Variants in ELL observed in about 807,000 individuals in gnomAD.
ELL encodes the protein RNA polymerase II elongation factor ELL.
A neutral mutation model predicts 64.0 loss-of-function variants in ELL; 18 were observed. The ratio of observed to expected loss-of-function variants is 0.28; its 90% CI spans 0.19 to 0.42. The LOEUF is 0.42. Ranked by LOEUF, ELL falls within the 10% of genes least tolerant of loss-of-function variation. The pLI, the probability that ELL is intolerant of heterozygous loss-of-function variation, is 1.00. For missense variants in ELL, 797 were observed against 870.4 expected, an observed-to-expected ratio of 0.92 and a Z score of 1.06; for synonymous variants, 399 against 376.2, an observed-to-expected ratio of 1.06 and a Z score of -0.70.
At position 18,450,971 on chromosome 19, in the gene ELL, C is replaced by T. The variant is rs1273637163; in HGVS notation, c.971G>A (p.Arg324Gln). The change falls in exon 8 of 12, where the codon CGG becomes CAG. Residue 324 changes from arginine to glutamine, a missense_variant. By Grantham distance (43) the Arg-to-Gln change is conservative. Coordinates refer to ENST00000262809, the MANE Select transcript of ELL (RefSeq NM_006532.4). The part of the protein sequence containing the change: ...RGRSASPPQK[R>Q]LQPPDFIDPL... ...GTCGATGAAATCAGGAGGCTGCAGC[C>T]GCTTCTGGAGAGGAGCAGAGATCAT... The T allele has an allele frequency of 2.6e-6, 4 of 1,522,040 alleles. No homozygotes were observed. The highest frequency in any genetic ancestry group is 2.3e-5 in the East Asian group (1 of 43,930). The allele number at this position is 1,522,040 out of a possible 1,614,324, so 94.3% of individuals were successfully genotyped here.
intron 2 of ELL, among the ~76,000 whole-genome samples, chr19:18,470,244 G>A (rs1367734776): frequency 6.6e-6 from 1 of 152,260 alleles, no homozygotes; most frequent in Non-Finnish European, 1.5e-5. Context: ...AAGGCACATG[G>A]CATGCTGCAC....
intron 1 of ELL, among the ~76,000 whole-genome samples, chr19:18,481,498 T>C (rs867204017): frequency 1.1e-4 from 17 of 152,160 alleles, no homozygotes; most frequent in African/African-American, 4.1e-4. Context: ...CTACATTAAA[T>C]CTGTCCCTCT....
intron 1 of ELL, among the ~76,000 whole-genome samples, chr19:18,477,641 G>A (rs1044220784): frequency 3.9e-5 from 6 of 152,124 alleles, no homozygotes; most frequent in Non-Finnish European, 8.8e-5. Flanking sequence ...GAGAAACACC[G>A]CCAGACCACA....
intron 1 of ELL, among the ~76,000 whole-genome samples, chr19:18,507,628 C>T (rs765541087): frequency 9.9e-5 from 15 of 152,234 alleles, no homozygotes; most frequent in Non-Finnish European, 2.1e-4. Context: ...TGCACCTCCC[C>T]GCTGCGAAGA....
At position 18,511,290 on chromosome 19, in the gene ELL, C is replaced by T. The variant is rs186089057; in HGVS notation, c.135+10631G>A. On this transcript the variant is annotated intron_variant, in intron 1 of 11. Coordinates refer to ENST00000262809, the MANE Select transcript of ELL (RefSeq NM_006532.4). ...TCAAAAAAAAAAAAAATTAACTTGG[C>T]GTGGTGGTGGGCGCCTGTAATCCCA... Among the ~76,000 whole-genome samples the T allele has an allele frequency of 6.8e-4, 103 of 150,702 alleles. 1 individual carries two copies. Among genetic ancestry groups the T allele is most frequent in the Middle Eastern group, 3.5e-3 (1 of 286 alleles).
chr19:18,519,306 T>C (rs1249849582), intron 1 of ELL, among the ~76,000 whole-genome samples: 6 of 151,782 alleles, frequency 4.0e-5, no homozygotes, highest in Non-Finnish European at 7.4e-5. Context: ...AACCACAGCA[T>C]CGAGGAATAC....
intron 1 of ELL, among the ~76,000 whole-genome samples, chr19:18,497,954 C>A (rs534599854): frequency 6.6e-6 from 1 of 151,326 alleles, no homozygotes; most frequent in Non-Finnish European, 1.5e-5. Context: ...CTTGGAGAAA[C>A]CCTGTCTCTA....
intron 8 of ELL, 130 bp from the exon 9 acceptor site, chr19:18,446,944 G>T: frequency 9.8e-7 from 1 of 1,017,968 alleles, no homozygotes; most frequent in Non-Finnish European, 1.5e-6. Context: ...ATAGCAGAGG[G>T]GATGACTGTG....
At chr19:18,509,580 C>CGT (rs1329774483) in intron 1 of ELL, among the ~76,000 whole-genome samples, 117 of 135,326 alleles carry the variant, frequency 8.6e-4, no homozygotes, top group African/African-American at 3.0e-3. Context: ...GGCCAATGCA[C>CGT]GTGCGCGCGC....
chr19:18,452,727 G>A (rs1314511523), intron 6 of ELL, among the ~76,000 whole-genome samples: 4 of 152,184 alleles, frequency 2.6e-5, no homozygotes, highest in Non-Finnish European at 5.9e-5. Flanking sequence ...AAGAGGCTCG[G>A]GCCACTCCTC....
At chr19:18,511,216 G>C (rs1204218124) in intron 1 of ELL, among the ~76,000 whole-genome samples, 1 of 150,936 alleles carries the variant, frequency 6.6e-6, no homozygotes, top group Non-Finnish European at 1.5e-5. Context: ...GCAGTGAGCT[G>C]AGATAGCACC....
chr19:18,453,260 C>T lies in ELL; in HGVS notation c.870-1612G>A, dbSNP rs576585355. 1.9e-4 allele frequency among the ~76,000 whole-genome samples: 29 copies of T among 152,310 alleles called. 1 individual carries two copies. The South Asian group carries it at 4.8e-3, about 25-fold the overall frequency. ...TTGCACTCCAGTCTGGGCAACAAGA[C>T]CGAGACTCCGTCTCAAAAACATAAA... On this transcript the variant is annotated intron_variant, in intron 6 of 11. Coordinates refer to ENST00000262809, the MANE Select transcript of ELL (RefSeq NM_006532.4).
At chr19:18,474,651 C>T (rs1975139514) in intron 1 of ELL, among the ~76,000 whole-genome samples, 1 of 152,260 alleles carries the variant, frequency 6.6e-6, no homozygotes, top group Non-Finnish European at 1.5e-5. Context: ...ACAGCTGCTG[C>T]AGTCACAAGG....
At chr19:18,485,806 G>A (rs1230658674) in intron 1 of ELL, among the ~76,000 whole-genome samples, 1 of 152,068 alleles carries the variant, frequency 6.6e-6, no homozygotes, top group Non-Finnish European at 1.5e-5. Context: ...TTAACACGGT[G>A]AAACCCCATC....
In ELL at chr19:18,509,582, T is replaced by TGTGCGCGCGCGC. The variant is rs1555739214; in HGVS notation, c.135+12338_135+12339insGCGCGCGCGCAC. On this transcript the variant is annotated intron_variant, in intron 1 of 11. Coordinates refer to ENST00000262809, the MANE Select transcript of ELL (RefSeq NM_006532.4). ...AGATGGAGACACAGGCCAATGCACG[T>TGTGCGCGCGCGC]GCGCGCGCGCGCACATACACACACA... 6.3e-4 allele frequency among the ~76,000 whole-genome samples: 60 copies of TGTGCGCGCGCGC among 95,552 alleles called. 1 individual carries two copies. Among genetic ancestry groups the TGTGCGCGCGCGC allele is most frequent in the African/African-American group, 2.3e-3 (49 of 21,194 alleles). 62.7% of individuals were successfully genotyped at this position (95,552 alleles called of 152,430 possible).
intron 6 of ELL, among the ~76,000 whole-genome samples, chr19:18,456,556 AG>A (rs749586350): frequency 1.2e-3 from 182 of 152,074 alleles, no homozygotes; most frequent in Non-Finnish European, 2.0e-3. Context: ...CTCACAGGAG[AG>A]GGGAGTGGCT....
chr19:18,445,932 G>A lies in ELL; in HGVS notation c.1704+377C>T, dbSNP rs377119543. On this transcript the variant is annotated intron_variant, in intron 10 of 11. Coordinates refer to ENST00000262809, the MANE Select transcript of ELL (RefSeq NM_006532.4). The stretch of plus-strand genomic sequence containing the variant: ...GATGGGCCCCAGGGTGCTGGACAGA[G>A]CTCAGCTGCGGAGTCTCCTGAGGGT... 5.3e-5 allele frequency among the ~76,000 whole-genome samples: 8 copies of A among 152,190 alleles called. No individual in the cohort carries two copies. The East Asian group carries it at 1.5e-3, about 29-fold the overall frequency.
At chr19:18,506,719 G>A (rs550208910) in intron 1 of ELL, among the ~76,000 whole-genome samples, 68 of 152,196 alleles carry the variant, frequency 4.5e-4, no homozygotes, top group Admixed American at 1.3e-3. Context: ...GCAAGACCTC[G>A]TCTGAAAAAA....
intron 5 of ELL, among the ~76,000 whole-genome samples, chr19:18,458,693 C>G (rs774339205): frequency 3.2e-4 from 49 of 152,172 alleles, no homozygotes; most frequent in Non-Finnish European, 5.9e-4. Flanking sequence ...TTTTTTGATA[C>G]AAGATCTTAG....
Sources: gnomAD v4.1 joint callset for allele counts (sites outside exome capture counted in the v4.1 genomes callset) on GRCh38, gnomAD v4.1.1 for gene constraint, MANE v1.5 for transcripts, NCBI Gene and HGNC (gene_info 2026-07-23, HGNC 2026-07-21) for gene names.